Variants in TNRC6B observed in about 807,000 individuals in gnomAD.
TNRC6B encodes the protein trinucleotide repeat containing adaptor 6B.
TNRC6B carries 52 observed loss-of-function variants against 203.6 expected under a neutral mutation model. That is an observed-to-expected ratio of 0.26 (90% confidence interval 0.20 to 0.32). TNRC6B has a LOEUF of 0.32. TNRC6B is among the 10% of genes least tolerant of loss of function. The pLI is 1.00. For synonymous variants in TNRC6B, 838 were observed against 845.7 expected (o/e 0.99, Z 0.16); for missense variants, 1,923 against 2,286.2 (o/e 0.84, Z 3.24).
At chr22:40,097,152 T>A (rs2068192192) in intron 1 of TNRC6B, among the ~76,000 whole-genome samples, 1 of 152,212 alleles carries the variant, frequency 6.6e-6, no homozygotes, top group African/African-American at 2.4e-5. Context: ...GCTGGAAGGC[T>A]TTTGAACTTG....
intron 1 of TNRC6B, among the ~76,000 whole-genome samples, chr22:40,075,161 T>A (rs1161160050): frequency 0.022 from 2,287 of 106,184 alleles, 24 homozygotes; most frequent in African/African-American, 0.055. Context: ...TATATATTTT[T>A]TTTTTTTTTT....
At chr22:40,269,849 T>C (rs544877309) in intron 5 of TNRC6B, among the ~76,000 whole-genome samples, 8 of 148,470 alleles carry the variant, frequency 5.4e-5, no homozygotes, top group East Asian at 2.0e-4. Flanking sequence ...GACCACGGCA[T>C]TGCACTCCAG....
At chr22:40,283,346 G>A (rs1168276070) in intron 11 of TNRC6B, among the ~76,000 whole-genome samples, 1 of 152,070 alleles carries the variant, frequency 6.6e-6, no homozygotes, top group Non-Finnish European at 1.5e-5. Flanking sequence ...CCTTTCTCCT[G>A]TTTATTTTTT....
chr22:40,291,500 A>G (rs1325711194), intron 12 of TNRC6B, among the ~76,000 whole-genome samples: 2 of 152,214 alleles, frequency 1.3e-5, no homozygotes, highest in African/African-American at 2.4e-5. Context: ...CTAATTCCCT[A>G]TTCAGACACT....
chr22:40,144,818 C>G (rs921619355), intron 3 of TNRC6B, among the ~76,000 whole-genome samples: 2 of 132,060 alleles, frequency 1.5e-5, no homozygotes, highest in African/African-American at 3.8e-5. Context: ...TCGAACATGT[C>G]AATCCCATTT....
At chr22:40,248,334 C>G (rs938790744) in intron 2 of TNRC6B, among the ~76,000 whole-genome samples, 2 of 152,170 alleles carry the variant, frequency 1.3e-5, no homozygotes, top group Non-Finnish European at 2.9e-5. Flanking sequence ...TCACACATTT[C>G]CTCTACTAAG....
intron 1 of TNRC6B, among the ~76,000 whole-genome samples, chr22:40,085,265 A>G (rs753906093): frequency 1.3e-5 from 2 of 152,222 alleles, no homozygotes; most frequent in African/African-American, 2.4e-5. Context: ...CTAAAAGGCA[A>G]GGACTTTTTT....
intron 1 of TNRC6B, among the ~76,000 whole-genome samples, chr22:40,100,390 A>AT (rs141373362): frequency 0.21 from 32,211 of 151,206 alleles, 4,393 homozygotes; most frequent in Non-Finnish European, 0.31. Flanking sequence ...CGCCTGGCCT[A>AT]TTTTTTAGAG....
intron 2 of TNRC6B, among the ~76,000 whole-genome samples, chr22:40,118,753 T>G (rs1331807403): frequency 6.6e-6 from 1 of 152,124 alleles, no homozygotes. Flanking sequence ...GGAATCTATG[T>G]GAGTAAATAA....
chr22:40,168,098 C>T (rs2068937276), intron 4 of TNRC6B, among the ~76,000 whole-genome samples: 1 of 152,146 alleles, frequency 6.6e-6, no homozygotes, highest in Non-Finnish European at 1.5e-5. Context: ...TAGAGCATAA[C>T]CATACAGTTA....
intron 1 of TNRC6B, among the ~76,000 whole-genome samples, chr22:40,211,855 G>T (rs1055107859): frequency 3.9e-5 from 6 of 152,312 alleles, no homozygotes; most frequent in African/African-American, 1.4e-4. Flanking sequence ...AGGCTACATT[G>T]TGGCTAATGC....
chr22:40,125,140 C>T (rs1447140910), intron 2 of TNRC6B, among the ~76,000 whole-genome samples: 1 of 152,042 alleles, frequency 6.6e-6, no homozygotes, highest in Non-Finnish European at 1.5e-5. Flanking sequence ...TTTCTTGACT[C>T]ATTTTATTCT....
At chr22:40,310,356 C>A (rs971678107) in intron 16 of TNRC6B, among the ~76,000 whole-genome samples, 2 of 152,208 alleles carry the variant, frequency 1.3e-5, no homozygotes, top group African/African-American at 2.4e-5. Flanking sequence ...TCCAGCTAAT[C>A]TAAGCCTGAT....
chr22:40,058,763 C>G (rs535648552), intron 1 of TNRC6B, among the ~76,000 whole-genome samples: 7 of 152,274 alleles, frequency 4.6e-5, no homozygotes, highest in Non-Finnish European at 7.4e-5. Context: ...TCTTGAAATT[C>G]TGACACATTG....
chr22:40,201,478 C>T (rs2069411345), intron 1 of TNRC6B, among the ~76,000 whole-genome samples: 1 of 151,640 alleles, frequency 6.6e-6, no homozygotes, highest in South Asian at 2.1e-4. Flanking sequence ...CTCTGTCACC[C>T]AGGCTGTAGT....
At chr22:40,293,619 G>T (rs1444546910) in intron 12 of TNRC6B, among the ~76,000 whole-genome samples, 1 of 151,506 alleles carries the variant, frequency 6.6e-6, no homozygotes, top group Non-Finnish European at 1.5e-5. Context: ...GAGGGCGGGG[G>T]CGGAGGGGGG....
At chr22:40,234,184 G>A (rs1256156460) in intron 1 of TNRC6B, among the ~76,000 whole-genome samples, 1 of 152,106 alleles carries the variant, frequency 6.6e-6, no homozygotes, top group Non-Finnish European at 1.5e-5. Flanking sequence ...CACTTGGAAG[G>A]CCAAGGCAGG....
intron 1 of TNRC6B, among the ~76,000 whole-genome samples, chr22:40,097,719 A>G (rs544718683): frequency 1.4e-5 from 2 of 146,508 alleles, no homozygotes; most frequent in East Asian, 4.1e-4. Context: ...CACACACTGT[A>G]TTATACATTG....
intron 3 of TNRC6B, among the ~76,000 whole-genome samples, chr22:40,135,067 A>C (rs1277667244): frequency 6.6e-6 from 1 of 152,190 alleles, no homozygotes; most frequent in African/African-American, 2.4e-5. Flanking sequence ...CTAGGAGACC[A>C]ACTTGAGGCT....
Sources: allele counts gnomAD v4.1 joint callset (sites outside exome capture counted in the v4.1 genomes callset), GRCh38; gene constraint gnomAD v4.1.1; transcripts MANE v1.5; gene names NCBI Gene and HGNC (gene_info 2026-07-23, HGNC 2026-07-21).